The following OSBPL11 variants were observed in gnomAD, a reference collection of about 807,000 sequenced individuals.
OSBPL11 encodes oxysterol-binding protein-related protein 11.
Under a neutral mutation model 84.4 loss-of-function variants are expected in OSBPL11, and 33 were observed. That is an observed-to-expected ratio of 0.39 (90% CI 0.30 to 0.52). The LOEUF is 0.52. OSBPL11 is among the 20% of genes least tolerant of loss of function. OSBPL11 has a pLI of 0.72. For missense variants in OSBPL11, 736 were observed against 901.1 expected, an observed-to-expected ratio of 0.82 and a Z score of 2.35; for synonymous variants, 276 against 310.2, an observed-to-expected ratio of 0.89 and a Z score of 1.16.
chr3:125,574,487 T>TG (rs1559845349), intron 5 of OSBPL11, among the ~76,000 whole-genome samples: 2 of 151,712 alleles, frequency 1.3e-5, no homozygotes, highest in African/African-American at 4.8e-5. Context: ...GCAGTTTTTT[T>TG]TTTTTTTTTT....
chr3:125,540,193 G>C (rs1935708494), intron 10 of OSBPL11, among the ~76,000 whole-genome samples: 1 of 151,996 alleles, frequency 6.6e-6, no homozygotes, highest in African/African-American at 2.4e-5. Flanking sequence ...GCTGGGCGTA[G>C]TGGCACAGGC....
intron 8 of OSBPL11, 136 bp downstream of exon 8, chr3:125,560,243 A>G (rs2107599326): frequency 1.3e-6 from 1 of 774,280 alleles, no homozygotes; most frequent in East Asian, 3.5e-5. Context: ...CCTGGGCAAC[A>G]AGAGCAAAAC....
chr3:125,531,836 T>C, intron 12 of OSBPL11, 25 bp downstream of exon 12: 1 of 1,580,594 alleles, frequency 6.3e-7, no homozygotes, highest in Non-Finnish European at 8.6e-7. Flanking sequence ...GATACATTTT[T>C]ATCTTGAACA....
At chr3:125,543,124 ATTTTTTT>A (rs60571172) in intron 10 of OSBPL11, among the ~76,000 whole-genome samples, 42 of 99,282 alleles carry the variant, frequency 4.2e-4, no homozygotes, top group African/African-American at 5.6e-4. Flanking sequence ...GGCTAGTAAG[ATTTTTTT>A]TTTTTTTTTT....
chr3:125,560,486 C>T lies in OSBPL11; in HGVS notation c.1048G>A (p.Glu350Lys), dbSNP rs1420899526. The T allele has an allele frequency of 6.3e-7, 1 of 1,594,294 alleles. No homozygotes were observed. The highest frequency in any genetic ancestry group is 8.6e-7 in the Non-Finnish European group (1 of 1,169,324). Residue 350 changes from glutamate (E) to lysine (K), a missense_variant, in exon 8 of 13, where the codon GAG (glutamate) becomes AAG (lysine). Around this residue, in one of 3 missense-constraint regions of OSBPL11, gnomAD observed 579 missense variants for 717.6 expected, o/e 0.81. Coordinates refer to ENST00000296220, the MANE Select transcript of OSBPL11 (RefSeq NM_022776.5). ...PEEINADDEI[E>K]DTCDHKEDDL... ...TCCTCTTTGTGGTCACATGTATCCTCTATCTCATCATCTGCATTTATTTCT... is the reference window on the plus strand; with the variant it reads ...TCCTCTTTGTGGTCACATGTATCCTTTATCTCATCATCTGCATTTATTTCT...
At chr3:125,539,474 C>T (rs1935695026) in intron 10 of OSBPL11, among the ~76,000 whole-genome samples, 1 of 151,812 alleles carries the variant, frequency 6.6e-6, no homozygotes, top group Non-Finnish European at 1.5e-5. Context: ...CAGAGTCTTG[C>T]TCTGTTGCCT....
At chr3:125,562,216 G>T (rs1010485243) in intron 7 of OSBPL11, among the ~76,000 whole-genome samples, 1 of 152,040 alleles carries the variant, frequency 6.6e-6, no homozygotes, top group Non-Finnish European at 1.5e-5. Flanking sequence ...AAAATATATT[G>T]CTTTATATTA....
intron 5 of OSBPL11, among the ~76,000 whole-genome samples, chr3:125,568,275 C>CA (rs1221020615): frequency 6.6e-6 from 1 of 150,686 alleles, no homozygotes; most frequent in African/African-American, 2.4e-5. Context: ...ACTAAAAATA[C>CA]AAAAAATTAG....
intron 8 of OSBPL11, among the ~76,000 whole-genome samples, chr3:125,555,046 T>C (rs112643990): frequency 6.6e-6 from 1 of 152,258 alleles, no homozygotes; most frequent in African/African-American, 2.4e-5. Flanking sequence ...AGTCAGTGGA[T>C]TGGGAGAGGC....
At chr3:125,548,068 G>A (rs188853638) in intron 9 of OSBPL11, among the ~76,000 whole-genome samples, 40 of 152,138 alleles carry the variant, frequency 2.6e-4, no homozygotes, top group Middle Eastern at 3.4e-3. Flanking sequence ...TAGTGGAGAC[G>A]GGGTTTCACC....
chr3:125,569,111 AT>A (rs1206582203), intron 5 of OSBPL11, among the ~76,000 whole-genome samples: 4 of 151,864 alleles, frequency 2.6e-5, no homozygotes, highest in Admixed American at 6.6e-5. Context: ...TGCCTGGCTA[AT>A]TTTTTGTATT....
chr3:125,584,967 G>A (rs903212264), intron 1 of OSBPL11, among the ~76,000 whole-genome samples: 5 of 151,944 alleles, frequency 3.3e-5, no homozygotes, highest in Admixed American at 1.3e-4. Context: ...TGTGGGGATG[G>A]GGGGGTCTCA....
chr3:125,539,321 AT>A (rs1935689884), intron 10 of OSBPL11, among the ~76,000 whole-genome samples: 2 of 119,266 alleles, frequency 1.7e-5, no homozygotes, highest in African/African-American at 4.0e-5. Flanking sequence ...ATATATATAT[AT>A]ATATATATAT....
At chr3:125,550,397 ACACACACAC>A (rs1364401853) in intron 9 of OSBPL11, among the ~76,000 whole-genome samples, 3 of 148,232 alleles carry the variant, frequency 2.0e-5, no homozygotes, top group Non-Finnish European at 4.5e-5. Context: ...ACACACACAC[ACACACACAC>A]AACAAACAAA....
At chr3:125,549,303 C>T (rs1277501938) in intron 9 of OSBPL11, among the ~76,000 whole-genome samples, 2 of 152,168 alleles carry the variant, frequency 1.3e-5, no homozygotes, top group South Asian at 2.1e-4. Flanking sequence ...GGATTACAGG[C>T]GTGAGTCACC....
Position 125,590,273 on chromosome 3 carries a change from G to A in OSBPL11, c.164+4364C>T, listed in dbSNP as rs367667405. ...TAAGTTTAATTTTTCAAAAGGGCCA[G>A]GCACGGTGGCTCACGCCTGTAATCC... On this transcript the variant is annotated intron_variant, in intron 1 of 12. Transcript: ENST00000296220. Among the ~76,000 whole-genome samples, 25 of 152,320 alleles carry A rather than the reference G, an allele frequency of 1.6e-4. No individual in the cohort carries two copies. In the East Asian group the frequency reaches 3.9e-3, roughly 23 times the overall value.
chr3:125,594,723 C>T lies in OSBPL11; in HGVS notation c.78G>A (p.Val26=), dbSNP rs762935942. ...CACAGCTGCTGTTCTTGTTCGGGGT[C>T]ACCGCTGTGGCCTGGCCCTCCAGCT... The part of the protein sequence containing the change: ...EGKLEGQATA[V]TPNKNSSCGG... The change falls in exon 1 of 13, where the codon GTG becomes GTA. Residue 26 remains valine (V), a synonymous_variant. Transcript: ENST00000296220. 16 of 1,614,176 alleles carry T rather than the reference C, an allele frequency of 9.9e-6. No homozygotes were observed. In the South Asian group the frequency reaches 1.8e-4, roughly 18 times the overall value.
At chr3:125,533,024 G>A (rs1935584629) in intron 11 of OSBPL11, among the ~76,000 whole-genome samples, 1 of 151,908 alleles carries the variant, frequency 6.6e-6, no homozygotes, top group African/African-American at 2.4e-5. Context: ...TCTCTGGGCT[G>A]GGGGTAATGG....
At chr3:125,555,354 G>C (rs1011864678) in intron 8 of OSBPL11, among the ~76,000 whole-genome samples, 3 of 152,098 alleles carry the variant, frequency 2.0e-5, no homozygotes, top group Non-Finnish European at 4.4e-5. Flanking sequence ...CCTTGTGACT[G>C]TATGAGTCAA....
Sources: allele counts gnomAD v4.1 joint callset (sites outside exome capture counted in the v4.1 genomes callset), GRCh38; gene constraint gnomAD v4.1.1; regional missense constraint gnomAD v4.1.1; transcripts MANE v1.5; gene names NCBI Gene and HGNC (gene_info 2026-07-23, HGNC 2026-07-21).